DYNC1LI2: variants seen among roughly 807,000 people sequenced by gnomAD.
DYNC1LI2 encodes cytoplasmic dynein 1 light intermediate chain 2.
Under a neutral mutation model 57.8 loss-of-function variants are expected in DYNC1LI2, and 19 were observed. The ratio of observed to expected loss-of-function variants is 0.33; its 90% CI spans 0.23 to 0.48. The LOEUF (loss-of-function observed/expected upper bound fraction) is 0.48, where lower values mean the gene tolerates loss of function less well. DYNC1LI2 is among the 20% of genes least tolerant of loss of function. The pLI is 0.99. For synonymous variants in DYNC1LI2, 256 were observed against 233.4 expected, an observed-to-expected ratio of 1.10 and a Z score of -0.88; for missense variants, 470 against 604.2, an observed-to-expected ratio of 0.78 and a Z score of 2.33.
Position 66,723,718 on chromosome 16 carries a change from A to G in DYNC1LI2, c.*4T>C. The G allele has an allele frequency of 6.3e-7, 1 of 1,599,132 alleles. No homozygotes were observed. The highest frequency in any genetic ancestry group is 8.5e-7 in the Non-Finnish European group (1 of 1,176,152). On this transcript the variant is annotated 3_prime_UTR_variant, in exon 13 of 13. Coordinates refer to ENST00000258198, the MANE Select transcript of DYNC1LI2 (RefSeq NM_006141.3). ...CATTCGACATATGCACTTTTTAAGG[A>G]GGTTCAGGCTTCATTTTCTGTTGAA...
At position 66,727,773 on chromosome 16, in the gene DYNC1LI2, T is replaced by G. The variant is rs1319083990; in HGVS notation, c.1176A>C (p.Pro392=). ...ESPARGPSGS[P]RTQGRGGPAS... The stretch of plus-strand genomic sequence containing the variant: ...CTGGCCCTCCCCGACCCTGGGTCCT[T>G]GGAGAGCCAGAGGGTCCTCTTGCAG... The change falls in exon 11 of 13, where the codon CCA becomes CCC. Residue 392 remains proline (P), a synonymous_variant. Coordinates refer to ENST00000258198, the MANE Select transcript of DYNC1LI2 (RefSeq NM_006141.3). The G allele has an allele frequency of 6.2e-7, 1 of 1,613,872 alleles. No homozygotes were observed. The highest frequency in any genetic ancestry group is 8.5e-7 in the Non-Finnish European group (1 of 1,179,952).
At chr16:66,734,865 C>T (rs992921731) in intron 5 of DYNC1LI2, among the ~76,000 whole-genome samples, 4 of 151,058 alleles carry the variant, frequency 2.6e-5, no homozygotes, top group African/African-American at 7.3e-5. Flanking sequence ...GGCATGGTGG[C>T]GGACACCTGT....
intron 6 of DYNC1LI2, 81 bp downstream of exon 6, chr16:66,734,137 G>C: frequency 7.7e-7 from 1 of 1,300,128 alleles, no homozygotes; most frequent in Non-Finnish European, 1.1e-6. Flanking sequence ...TTCTGGGTTT[G>C]GGAGGTGCTT....
At chr16:66,738,884 A>AACACACACAC (rs34638723) in intron 4 of DYNC1LI2, 2 of 133,406 alleles carry the variant, frequency 1.5e-5, no homozygotes, top group Non-Finnish European at 3.2e-5. Flanking sequence ...AAAAAAAACA[A>AACACACACAC]ACACACACAC....
At chr16:66,738,883 AAACACACAC>A (rs1481965186) in intron 4 of DYNC1LI2, 4 of 85,418 alleles carry the variant, frequency 4.7e-5, no homozygotes, top group African/African-American at 1.5e-4. Context: ...AAAAAAAAAC[AAACACACAC>A]ACACACACAC....
At position 66,725,955 on chromosome 16, in the gene DYNC1LI2, T is replaced by A. The variant is rs1290568577; in HGVS notation, c.1262-11A>T. The A allele has an allele frequency of 5.6e-6, 9 of 1,604,190 alleles. No homozygotes were observed. Among genetic ancestry groups the A allele is most frequent in the Middle Eastern group, 1.7e-4 (1 of 5,996 alleles). On this transcript the variant is annotated splice_polypyrimidine_tract_variant and intron_variant, in intron 11 of 12. Transcript: ENST00000258198. The stretch of plus-strand genomic sequence containing the variant: ...CACTTGCTGCATTATCTAAGGAAAA[T>A]TAAAGAGAAAAAAAAGCATCATATA...
intron 3 of DYNC1LI2, among the ~76,000 whole-genome samples, chr16:66,743,516 G>C (rs1235234788): frequency 7.1e-6 from 1 of 140,672 alleles, no homozygotes; most frequent in Non-Finnish European, 1.5e-5. Context: ...AGTCGAGATC[G>C]TGCCACTGCA....
intron 2 of DYNC1LI2, among the ~76,000 whole-genome samples, chr16:66,750,814 C>T (rs1368185495): frequency 6.6e-6 from 1 of 152,132 alleles, no homozygotes; most frequent in Non-Finnish European, 1.5e-5. Flanking sequence ...ATGGAGGAAA[C>T]GTCCCCAGTG....
chr16:66,738,529 C>T (rs142362717), intron 4 of DYNC1LI2, among the ~76,000 whole-genome samples: 2 of 151,982 alleles, frequency 1.3e-5, no homozygotes, highest in African/African-American at 2.4e-5. Flanking sequence ...GGATTACAGG[C>T]GTGAGCCACA....
chr16:66,751,581 A>G lies in DYNC1LI2; in HGVS notation c.11T>C (p.Val4Ala), dbSNP rs2018057346. The G allele has an allele frequency of 6.4e-7, 1 of 1,568,342 alleles. No individual in the cohort carries two copies. Among genetic ancestry groups the G allele is most frequent in the South Asian group, 1.1e-5 (1 of 87,788 alleles). The change falls in exon 1 of 13, where the codon GTG becomes GCG. Residue 4 changes from valine to alanine, a missense_variant. By Grantham distance (64) the Val-to-Ala change is moderately conservative. Transcript: ENST00000258198. The surrounding 1 kb of genome is among the most constrained non-coding windows in gnomAD (Gnocchi z 5.2). Reference protein sequence around the residue: MAPVGVEKKLLLGP... With the variant: MAPAGVEKKLLLGP... Reference sequence around the variant, plus strand: ...TAGCAGCAGCTTCTTCTCCACCCCCACCGGCGCCATCTTGCCAACTGCAGC... The same window carrying G: ...TAGCAGCAGCTTCTTCTCCACCCCCGCCGGCGCCATCTTGCCAACTGCAGC...
intron 3 of DYNC1LI2, among the ~76,000 whole-genome samples, chr16:66,747,569 ATTTTTTT>A (rs760932236): frequency 7.1e-6 from 1 of 141,284 alleles, no homozygotes; most frequent in African/African-American, 2.6e-5. Flanking sequence ...AAAGAAAGTA[ATTTTTTT>A]TTTTTTTTTT....
In DYNC1LI2 at chr16:66,730,242, G is replaced by C. The variant is rs969517614; in HGVS notation, c.930-19C>G. 6.2e-7 allele frequency: 1 copy of C among 1,603,668 alleles called. No individual in the cohort carries two copies. The highest frequency in any genetic ancestry group is 2.2e-5 in the East Asian group (1 of 44,804). On this transcript the variant is annotated intron_variant, in intron 7 of 12. Transcript: ENST00000258198. ...TGCAGGTCTAAAGGCAAAGAGAGAGGGACTGAATTGCTTTTCCTGGGGCTG... is the reference window on the plus strand; with the variant it reads ...TGCAGGTCTAAAGGCAAAGAGAGAGCGACTGAATTGCTTTTCCTGGGGCTG...
chr16:66,743,351 CG>C (rs1259718352), intron 3 of DYNC1LI2, among the ~76,000 whole-genome samples: 1 of 151,904 alleles, frequency 6.6e-6, no homozygotes, highest in Non-Finnish European at 1.5e-5. Flanking sequence ...ATCACGAGGT[CG>C]GGAGTTCAAG....
chr16:66,735,111 C>CTT (rs1451255786), intron 5 of DYNC1LI2, among the ~76,000 whole-genome samples: 3 of 56,376 alleles, frequency 5.3e-5, no homozygotes, highest in African/African-American at 2.1e-4. Flanking sequence ...TTTTTTTTTT[C>CTT]TTTTTTTTTT....
chr16:66,751,152 G>C lies in DYNC1LI2; in HGVS notation c.181+121C>G, dbSNP rs1466999292. Reference sequence around the variant, plus strand: ...CTCCAGCTGACCGGCCAGGGCCGACGGTCCCTTTCCCGCCAGGCTGCGGGC... The same window carrying C: ...CTCCAGCTGACCGGCCAGGGCCGACCGTCCCTTTCCCGCCAGGCTGCGGGC... On this transcript the variant is annotated intron_variant, in intron 2 of 12. Coordinates refer to ENST00000258198, the MANE Select transcript of DYNC1LI2 (RefSeq NM_006141.3). The surrounding 1 kb of genome is among the most constrained non-coding windows in gnomAD (Gnocchi z 5.2). The C allele has an allele frequency of 1.0e-5, 12 of 1,169,602 alleles. No homozygotes were observed. Among genetic ancestry groups the C allele is most frequent in the Non-Finnish European group, 7.1e-6 (6 of 844,096 alleles). 72.5% of individuals were successfully genotyped at this position (1,169,602 alleles called of 1,614,324 possible).
rs1364126901 is a variant in DYNC1LI2 at position 66,722,286 on chromosome 16, A to C, written c.*1436T>G. ...GGAAGTTATGCTTAGACACAGTACA[A>C]CAAACATTCATATAAAAAAAGTAAA... On this transcript the variant is annotated 3_prime_UTR_variant, in exon 13 of 13. Coordinates refer to ENST00000258198, the MANE Select transcript of DYNC1LI2 (RefSeq NM_006141.3). 6.6e-6 allele frequency: 1 copy of C among 152,664 alleles called. No homozygotes were observed. The highest frequency in any genetic ancestry group is 1.5e-5 in the Non-Finnish European group (1 of 68,040). 9.5% of individuals were successfully genotyped at this position (152,664 alleles called of 1,614,324 possible).
chr16:66,729,607 G>A (rs2017599084), intron 8 of DYNC1LI2, among the ~76,000 whole-genome samples: 1 of 119,434 alleles, frequency 8.4e-6, no homozygotes, highest in African/African-American at 3.3e-5. Context: ...ATGGAGTCTC[G>A]CTCTTGTCAC....
intron 2 of DYNC1LI2, among the ~76,000 whole-genome samples, chr16:66,750,156 C>T (rs2018016288): frequency 6.6e-6 from 1 of 152,202 alleles, no homozygotes; most frequent in Non-Finnish European, 1.5e-5. Flanking sequence ...TTTTGAGCTA[C>T]TGTCCCTCTG....
rs968957858 is a variant in DYNC1LI2 at position 66,748,704 on chromosome 16, T to C, written c.298+493A>G. Among the ~76,000 whole-genome samples, 8 of 152,292 alleles carry C rather than the reference T, an allele frequency of 5.3e-5. No homozygotes were observed. The South Asian group carries it at 6.2e-4, about 12-fold the overall frequency. On this transcript the variant is annotated intron_variant, in intron 3 of 12. Transcript: ENST00000258198. ...TCAGCCTCCTGAGTAGCTGCGATTA[T>C]GACAGGAGTCACCAAATCCGGCAGA...
Sources: gnomAD v4.1 joint callset for allele counts (sites outside exome capture counted in the v4.1 genomes callset) on GRCh38, gnomAD v4.1.1 for gene constraint, Gnocchi (gnomAD v3.1) non-coding constraint, MANE v1.5 for transcripts, NCBI Gene and HGNC (gene_info 2026-07-23, HGNC 2026-07-21) for gene names.